Variants in PLCB1 observed in about 807,000 individuals in gnomAD.
The protein encoded by PLCB1 is 1-phosphatidylinositol 4,5-bisphosphate phosphodiesterase beta-1.
PLCB1 carries 46 observed loss-of-function variants against 161.8 expected under a neutral mutation model. That is an observed-to-expected ratio of 0.28 (90% CI 0.22 to 0.36). The LOEUF (loss-of-function observed/expected upper bound fraction) is 0.36, where lower values mean the gene tolerates loss of function less well. Among genes scored for constraint, PLCB1 ranks in the 10% least tolerant of loss-of-function variants. PLCB1 has a pLI of 1.00. For synonymous variants in PLCB1, 517 were observed against 503.7 expected (o/e 1.03, Z -0.35); for missense variants, 1,016 against 1,472.5 (o/e 0.69, Z 5.07).
chr20:8,582,730 G>A (rs1331121882), intron 3 of PLCB1, among the ~76,000 whole-genome samples: 1 of 152,212 alleles, frequency 6.6e-6, no homozygotes, highest in African/African-American at 2.4e-5. Flanking sequence ...GCTCATGCCT[G>A]TAATCCCAGA....
At chr20:8,378,051 A>G (rs967622900) in intron 3 of PLCB1, among the ~76,000 whole-genome samples, 2 of 152,210 alleles carry the variant, frequency 1.3e-5, no homozygotes, top group Non-Finnish European at 2.9e-5. Flanking sequence ...GAGACTGAGA[A>G]TGGTATATAC....
intron 9 of PLCB1, among the ~76,000 whole-genome samples, chr20:8,673,554 TAGTC>T (rs1161393895): frequency 6.6e-6 from 1 of 152,218 alleles, no homozygotes; most frequent in Non-Finnish European, 1.5e-5. Context: ...AGGGTACCGT[TAGTC>T]AGTGCCAGCG....
chr20:8,763,661 C>A (rs1982160933), intron 25 of PLCB1, among the ~76,000 whole-genome samples: 1 of 152,068 alleles, frequency 6.6e-6, no homozygotes, highest in Non-Finnish European at 1.5e-5. Context: ...GCTGGACTTA[C>A]AGGCATGCGC....
At chr20:8,637,125 A>C (rs1988786823) in intron 4 of PLCB1, among the ~76,000 whole-genome samples, 1 of 152,064 alleles carries the variant, frequency 6.6e-6, no homozygotes, top group Admixed American at 6.5e-5. Context: ...TCCACATATA[A>C]AATATTGGTG....
chr20:8,695,468 G>C (rs1990563976), intron 10 of PLCB1, among the ~76,000 whole-genome samples: 2 of 152,320 alleles, frequency 1.3e-5, no homozygotes, highest in Non-Finnish European at 1.5e-5. Context: ...TCCTGAGGCA[G>C]AGGCAGGAGG....
chr20:8,520,224 A>C (rs1984296984), intron 3 of PLCB1, among the ~76,000 whole-genome samples: 1 of 152,188 alleles, frequency 6.6e-6, no homozygotes, highest in African/African-American at 2.4e-5. Flanking sequence ...AACAGAAGTA[A>C]AGCAGTTTAT....
intron 2 of PLCB1, among the ~76,000 whole-genome samples, chr20:8,217,722 C>A (rs1387365955): frequency 6.6e-6 from 1 of 152,150 alleles, no homozygotes; most frequent in Non-Finnish European, 1.5e-5. Context: ...CCCAGTGCAA[C>A]AATGGCTTTT....
chr20:8,415,183 C>A (rs1156985928), intron 3 of PLCB1, among the ~76,000 whole-genome samples: 2 of 152,112 alleles, frequency 1.3e-5, no homozygotes, highest in Non-Finnish European at 2.9e-5. Flanking sequence ...CAAAACTTAC[C>A]CTGCTGATTG....
chr20:8,271,227 T>G (rs1982263683), intron 2 of PLCB1, among the ~76,000 whole-genome samples: 1 of 152,158 alleles, frequency 6.6e-6, no homozygotes, highest in African/African-American at 2.4e-5. Context: ...ACACTTTGGC[T>G]TCCTTCAATT....
chr20:8,805,828 G>A (rs1287877647), intron 31 of PLCB1, among the ~76,000 whole-genome samples: 1 of 152,078 alleles, frequency 6.6e-6, no homozygotes, highest in Non-Finnish European at 1.5e-5. Context: ...TTCTTATGTT[G>A]ACATGGATAA....
At chr20:8,285,956 G>A (rs770270529) in intron 2 of PLCB1, among the ~76,000 whole-genome samples, 16 of 152,228 alleles carry the variant, frequency 1.1e-4, no homozygotes, top group Non-Finnish European at 2.4e-4. Context: ...TTCAGGGCTG[G>A]ATACATTAGT....
At chr20:8,377,961 G>A (rs1987143578) in intron 3 of PLCB1, among the ~76,000 whole-genome samples, 1 of 152,134 alleles carries the variant, frequency 6.6e-6, no homozygotes, top group South Asian at 2.1e-4. Flanking sequence ...GAATGTAGGT[G>A]TAAAAGAAAG....
At chr20:8,536,791 G>A (rs936946321) in intron 3 of PLCB1, among the ~76,000 whole-genome samples, 1 of 152,094 alleles carries the variant, frequency 6.6e-6, no homozygotes, top group Non-Finnish European at 1.5e-5. Context: ...ACAATCCCAA[G>A]CCAGCACAGA....
At chr20:8,169,018 G>A (rs576380377) in intron 2 of PLCB1, among the ~76,000 whole-genome samples, 1 of 152,236 alleles carries the variant, frequency 6.6e-6, no homozygotes, top group Admixed American at 6.5e-5. Context: ...CATGAAAAGG[G>A]ATCAGTCTTT....
chr20:8,328,207 C>T (rs6516369), intron 2 of PLCB1, among the ~76,000 whole-genome samples: 6,577 of 152,118 alleles, frequency 0.043, 491 homozygotes, highest in African/African-American at 0.15. Context: ...TTTGGATTTT[C>T]AGATGAGAGA....
intron 3 of PLCB1, among the ~76,000 whole-genome samples, chr20:8,468,775 T>TA (rs1568687864): frequency 6.6e-6 from 1 of 152,198 alleles, no homozygotes; most frequent in East Asian, 1.9e-4. Flanking sequence ...TTATATACAT[T>TA]ATCTAATTTA....
chr20:8,351,046 A>T (rs187309336), intron 2 of PLCB1, among the ~76,000 whole-genome samples: 27 of 152,260 alleles, frequency 1.8e-4, no homozygotes, highest in Admixed American at 1.6e-3. Context: ...ATTAGCTAAT[A>T]CAAAACTAAA....
intron 30 of PLCB1, 137 bp downstream of exon 30, chr20:8,789,712 G>A: frequency 1.5e-6 from 1 of 663,920 alleles, no homozygotes; most frequent in East Asian, 2.6e-5. Context: ...TGTTTCACAG[G>A]GTGGGCACTC....
At chr20:8,770,257 C>A (rs1982607353) in intron 26 of PLCB1, among the ~76,000 whole-genome samples, 2 of 152,154 alleles carry the variant, frequency 1.3e-5, no homozygotes, top group Admixed American at 6.5e-5. Context: ...CAGCCAAAAT[C>A]ATCATTTCTT....
Sources: gnomAD v4.1 joint callset for allele counts (sites outside exome capture counted in the v4.1 genomes callset) on GRCh38, gnomAD v4.1.1 for gene constraint, MANE v1.5 for transcripts, NCBI Gene and HGNC (gene_info 2026-07-23, HGNC 2026-07-21) for gene names.